The following SAMD12 variants were observed in gnomAD, a reference collection of about 807,000 sequenced individuals.
The protein encoded by SAMD12 is sterile alpha motif domain-containing protein 12.
A neutral mutation model predicts 15.0 loss-of-function variants in SAMD12; 9 were observed. The observed-to-expected ratio is 0.60, with a 90% CI of 0.36 to 1.05. SAMD12 has a LOEUF of 1.05. Ranked by LOEUF, SAMD12 falls within the 50% of genes least tolerant of loss-of-function variation. SAMD12 has a pLI of 0.01. For missense variants in SAMD12, 230 were observed against 234.2 expected, an observed-to-expected ratio of 0.98 and a Z score of 0.12; for synonymous variants, 86 against 90.1, an observed-to-expected ratio of 0.96 and a Z score of 0.25.
Position 118,206,674 on chromosome 8 carries a change from T to C in SAMD12, c.434-8942A>G, listed in dbSNP as rs17507362. On this transcript the variant is annotated intron_variant, in intron 4 of 4. Transcript: ENST00000409003. The stretch of plus-strand genomic sequence containing the variant: ...GAATCACTGATGCGCTGTCTCTAGA[T>C]GAGTGTTTCTCAAACTTTACTCTGC... Among the ~76,000 whole-genome samples the C allele has an allele frequency of 4.3e-3, 655 of 152,334 alleles. 3 individuals carry two copies. The highest frequency in any genetic ancestry group is 0.015 in the African/African-American group (607 of 41,582).
chr8:118,362,774 T>C (rs1443367995), intron 4 of SAMD12, among the ~76,000 whole-genome samples: 1 of 152,196 alleles, frequency 6.6e-6, no homozygotes, highest in African/African-American at 2.4e-5. Flanking sequence ...TTCAATTAAA[T>C]CAATTAAAAT....
At chr8:118,434,631 A>G (rs982532848) in intron 3 of SAMD12, among the ~76,000 whole-genome samples, 1 of 152,192 alleles carries the variant, frequency 6.6e-6, no homozygotes, top group African/African-American at 2.4e-5. Context: ...GTGAGCTTAC[A>G]CCTGGCCCCA....
At chr8:118,398,884 T>A (rs373954889) in intron 3 of SAMD12, among the ~76,000 whole-genome samples, 3 of 147,898 alleles carry the variant, frequency 2.0e-5, no homozygotes, top group Non-Finnish European at 4.4e-5. Context: ...TTTTTTTGTG[T>A]GTGTTTGTTT....
intron 2 of SAMD12, among the ~76,000 whole-genome samples, chr8:118,543,532 C>T (rs931208628): frequency 1.3e-5 from 2 of 152,104 alleles, no homozygotes; most frequent in African/African-American, 4.8e-5. Context: ...CAATCCGCGG[C>T]CTGCATGTGG....
chr8:118,591,691 C>G (rs1325933179), intron 1 of SAMD12, among the ~76,000 whole-genome samples: 1 of 151,872 alleles, frequency 6.6e-6, no homozygotes, highest in Non-Finnish European at 1.5e-5. Flanking sequence ...GAAAAAAGAA[C>G]AGCTTTTCAA....
chr8:118,588,149 GA>G (rs1413100329), intron 1 of SAMD12, among the ~76,000 whole-genome samples: 1 of 152,198 alleles, frequency 6.6e-6, no homozygotes, highest in Admixed American at 6.5e-5. Context: ...AAGGTACCCA[GA>G]AAAGTGCCCA....
chr8:118,385,256 C>T (rs1586642443), intron 3 of SAMD12, among the ~76,000 whole-genome samples: 1 of 152,142 alleles, frequency 6.6e-6, no homozygotes, highest in Admixed American at 6.5e-5. Context: ...CACAGACTGC[C>T]TTCCATAATG....
At chr8:118,564,045 G>C (rs1011580790) in intron 2 of SAMD12, among the ~76,000 whole-genome samples, 54 of 152,314 alleles carry the variant, frequency 3.5e-4, no homozygotes, top group African/African-American at 1.3e-3. Flanking sequence ...GAGAGGAGAA[G>C]GGGTCATTCA....
rs538768613 is a variant in SAMD12, at chr8:118,312,711, AC to A, written c.433+66848del. Among the ~76,000 whole-genome samples the A allele has an allele frequency of 1.7e-3, 260 of 152,296 alleles. 1 individual carries two copies. The highest frequency in any genetic ancestry group is 3.4e-3 in the Middle Eastern group (1 of 292). ...TTAATGTGTTATATCTAATACAACA[AC>A]CTTTTGGATAATGATTTTATCTAAA... On this transcript the variant is annotated intron_variant, in intron 4 of 4. Coordinates refer to the SAMD12 transcript ENST00000409003.
At chr8:118,425,459 T>G (rs368330943) in intron 3 of SAMD12, among the ~76,000 whole-genome samples, 3 of 152,188 alleles carry the variant, frequency 2.0e-5, no homozygotes, top group East Asian at 3.9e-4. Context: ...GAGGACTGCT[T>G]GAGCCCAGGA....
intron 4 of SAMD12, among the ~76,000 whole-genome samples, chr8:118,227,346 C>T (rs937572222): frequency 6.6e-6 from 1 of 152,024 alleles, no homozygotes; most frequent in Non-Finnish European, 1.5e-5. Flanking sequence ...AAGGGAACAA[C>T]AGACATTGGG....
At chr8:118,229,351 G>A (rs1420369717) in intron 4 of SAMD12, among the ~76,000 whole-genome samples, 1 of 151,778 alleles carries the variant, frequency 6.6e-6, no homozygotes, top group South Asian at 2.1e-4. Context: ...TCTTGCCCTT[G>A]CAAGATAAAC....
At chr8:118,279,594 T>A (rs1322030884) in intron 4 of SAMD12, among the ~76,000 whole-genome samples, 1 of 152,270 alleles carries the variant, frequency 6.6e-6, no homozygotes, top group African/African-American at 2.4e-5. Context: ...TGCTTTGAAC[T>A]GTAGCCAGGA....
chr8:118,477,066 T>G (rs890290153), intron 2 of SAMD12, among the ~76,000 whole-genome samples: 1 of 75,734 alleles, frequency 1.3e-5, no homozygotes, highest in Non-Finnish European at 2.9e-5. Context: ...GAGGCTTTCT[T>G]TTTCTTTTTT....
intron 2 of SAMD12, among the ~76,000 whole-genome samples, chr8:118,522,817 TG>T (rs1249535494): frequency 6.6e-6 from 1 of 152,168 alleles, no homozygotes; most frequent in Non-Finnish European, 1.5e-5. Context: ...TGTTGCTCCT[TG>T]GGGCATAAAC....
In SAMD12 at chr8:118,379,070, C is replaced by T. The variant is rs1819530401; in HGVS notation, c.*347G>A. The T allele has an allele frequency of 3.8e-6, 4 of 1,042,778 alleles. No individual in the cohort carries two copies. The highest frequency in any genetic ancestry group is 4.6e-4 in the Middle Eastern group (1 of 2,194). 64.6% of individuals were successfully genotyped at this position (1,042,778 alleles called of 1,614,324 possible). On this transcript the variant is annotated 3_prime_UTR_variant, in exon 4 of 4. Transcript: ENST00000314727. The stretch of plus-strand genomic sequence containing the variant: ...ATCTAAAATGTTTTTCTCCCACTAA[C>T]CGGTGAAAAGCAAAACAAAAATACA...
the SAMD12 span, among the ~76,000 whole-genome samples, chr8:118,151,219 T>C: frequency 6.6e-6 from 1 of 152,202 alleles, no homozygotes; most frequent in African/African-American, 2.4e-5. Flanking sequence ...TCTTTATTAC[T>C]AGTTTTAATA....
intron 3 of SAMD12, among the ~76,000 whole-genome samples, 178 bp downstream of exon 3, chr8:118,439,654 T>G (rs991760639): frequency 6.6e-6 from 1 of 152,134 alleles, no homozygotes; most frequent in Non-Finnish European, 1.5e-5. Context: ...ATAATAACCA[T>G]GTATGTTTGT....
chr8:118,269,106 C>T (rs1813274270), intron 4 of SAMD12, among the ~76,000 whole-genome samples: 1 of 151,388 alleles, frequency 6.6e-6, no homozygotes, highest in Admixed American at 6.6e-5. Flanking sequence ...TATTTCCTTC[C>T]AGCTCTCCAA....
Sources: gnomAD v4.1 joint callset for allele counts (sites outside exome capture counted in the v4.1 genomes callset) on GRCh38, gnomAD v4.1.1 for gene constraint, MANE v1.5 for transcripts, NCBI Gene and HGNC (gene_info 2026-07-23, HGNC 2026-07-21) for gene names.